Variants in PRKAR2A observed in about 807,000 individuals in gnomAD.
The protein encoded by PRKAR2A is protein kinase cAMP-dependent type II regulatory subunit alpha.
In PRKAR2A, 29 loss-of-function variants were observed where a neutral mutation model predicts 51.9. The observed-to-expected ratio is 0.56, with a 90% confidence interval of 0.42 to 0.76. The LOEUF is 0.76. Ranked by LOEUF, PRKAR2A falls within the 30% of genes least tolerant of loss-of-function variation. The pLI, the probability that PRKAR2A is intolerant of heterozygous loss-of-function variation, is 0.00. For synonymous variants in PRKAR2A, 178 were observed against 186.2 expected (o/e 0.96, Z 0.36); for missense variants, 445 against 512.1 (o/e 0.87, Z 1.26).
intron 6 of PRKAR2A, among the ~76,000 whole-genome samples, chr3:48,772,436 A>G (rs1254211432): frequency 1.3e-5 from 2 of 151,962 alleles, no homozygotes; most frequent in Non-Finnish European, 2.9e-5. Flanking sequence ...CGAACTCCTG[A>G]CCTCAAGTGA....
In PRKAR2A at chr3:48,757,594, G is replaced by T. The variant is rs535763969; in HGVS notation, c.874-1150C>A. 2.2e-4 allele frequency among the ~76,000 whole-genome samples: 33 copies of T among 152,310 alleles called. No individual in the cohort carries two copies. In the South Asian group the frequency reaches 6.2e-3, roughly 29 times the overall value. On this transcript the variant is annotated intron_variant, in intron 8 of 10. Coordinates refer to ENST00000265563, the MANE Select transcript of PRKAR2A (RefSeq NM_004157.4). ...AGAAATTAGGCTGGTAGCTAAAATAGAAACAAACTGAAGGAAGGAGTGTAC... is the reference window on the plus strand; with the variant it reads ...AGAAATTAGGCTGGTAGCTAAAATATAAACAAACTGAAGGAAGGAGTGTAC...
At chr3:48,834,937 C>A (rs897676284) in intron 1 of PRKAR2A, among the ~76,000 whole-genome samples, 1 of 151,036 alleles carries the variant, frequency 6.6e-6, no homozygotes, top group East Asian at 1.9e-4. Flanking sequence ...CACAAATTCC[C>A]AGCACTTTGA....
intron 2 of PRKAR2A, among the ~76,000 whole-genome samples, chr3:48,800,441 A>G (rs1207825306): frequency 6.7e-6 from 1 of 149,314 alleles, no homozygotes; most frequent in African/African-American, 2.5e-5. Context: ...TGAACCCAGG[A>G]GGTGGAGGTT....
intron 6 of PRKAR2A, among the ~76,000 whole-genome samples, chr3:48,767,162 T>C (rs746509311): frequency 1.7e-4 from 26 of 152,218 alleles, no homozygotes; most frequent in Non-Finnish European, 2.9e-4. Context: ...GTCAGGACTA[T>C]ACATATATAC....
intron 1 of PRKAR2A, among the ~76,000 whole-genome samples, chr3:48,820,502 A>G (rs2082943725): frequency 6.6e-6 from 1 of 152,168 alleles, no homozygotes; most frequent in South Asian, 2.1e-4. Context: ...CACTCGATTC[A>G]TATGATAAGT....
intron 4 of PRKAR2A, among the ~76,000 whole-genome samples, chr3:48,787,942 C>T (rs1430206409): frequency 6.6e-6 from 1 of 152,202 alleles, no homozygotes; most frequent in African/African-American, 2.4e-5. Flanking sequence ...TAATTCCAGC[C>T]TTCCTGTCTC....
intron 1 of PRKAR2A, among the ~76,000 whole-genome samples, chr3:48,827,824 AT>A (rs1432518815): frequency 6.6e-6 from 1 of 152,114 alleles, no homozygotes; most frequent in African/African-American, 2.4e-5. Context: ...TTCTTCAATT[AT>A]AACCTTAGCT....
chr3:48,799,524 A>C (rs2082550377), intron 2 of PRKAR2A, among the ~76,000 whole-genome samples: 1 of 152,256 alleles, frequency 6.6e-6, no homozygotes, highest in African/African-American at 2.4e-5. Context: ...ATACTTAGTA[A>C]TATTTCAGCT....
intron 4 of PRKAR2A, among the ~76,000 whole-genome samples, chr3:48,784,933 G>T (rs2082264202): frequency 1.3e-5 from 2 of 152,134 alleles, no homozygotes; most frequent in Admixed American, 1.3e-4. Flanking sequence ...AAGACTTATT[G>T]TATGTGATTC....
intron 6 of PRKAR2A, among the ~76,000 whole-genome samples, chr3:48,768,139 CA>C (rs1172606650): frequency 6.6e-6 from 1 of 151,034 alleles, no homozygotes; most frequent in Non-Finnish European, 1.5e-5. Flanking sequence ...ACAAAAAATA[CA>C]AAAATTAGCC....
At chr3:48,788,149 G>A (rs962785448) in intron 4 of PRKAR2A, among the ~76,000 whole-genome samples, 16 of 152,102 alleles carry the variant, frequency 1.1e-4, no homozygotes, top group Non-Finnish European at 2.1e-4. Context: ...TCCTGCCTCA[G>A]CCTCCCGAGT....
chr3:48,830,742 A>C (rs1427100400), intron 1 of PRKAR2A, among the ~76,000 whole-genome samples: 2 of 152,156 alleles, frequency 1.3e-5, no homozygotes, highest in Non-Finnish European at 2.9e-5. Flanking sequence ...AACTCACCAT[A>C]ATGTAGAATC....
Position 48,847,363 on chromosome 3 carries a change from G to C in PRKAR2A, c.234C>G (p.Ser78Arg), listed in dbSNP as rs779144009. 2 of 1,613,420 alleles carry C rather than the reference G, an allele frequency of 1.2e-6. No homozygotes were observed. The highest frequency in any genetic ancestry group is 1.7e-6 in the Non-Finnish European group (2 of 1,179,632). ...PDRVADAKGDSESEEDEDLEV... is the reference protein window; with the variant it reads ...PDRVADAKGDRESEEDEDLEV... ...CCAAGTCCTCGTCCTCCTCCGACTC[G>C]CTGTCCCCTTTGGCGTCGGCGACAC... Residue 78 changes from serine to arginine, a missense_variant, in exon 1 of 11, where the codon AGC (serine) becomes AGG (arginine). Transcript: ENST00000265563. This position sits in a 1 kb window ranked among gnomAD's most constrained non-coding sequence, Gnocchi z 4.4.
intron 8 of PRKAR2A, 90 bp downstream of exon 8, chr3:48,764,914 T>C: frequency 8.3e-7 from 1 of 1,197,938 alleles, no homozygotes; most frequent in South Asian, 1.3e-5. Context: ...CGTGAGCCAC[T>C]GCGTCCGGCA....
chr3:48,811,739 A>G (rs188885775), intron 1 of PRKAR2A, among the ~76,000 whole-genome samples: 20 of 152,308 alleles, frequency 1.3e-4, no homozygotes, highest in African/African-American at 3.8e-4. Context: ...CCGTGGGTGC[A>G]TAACATTGTG....
chr3:48,768,291 CAAAAGATAGATA>C (rs1463082092), intron 6 of PRKAR2A, among the ~76,000 whole-genome samples: 2 of 106,490 alleles, frequency 1.9e-5, no homozygotes, highest in East Asian at 3.1e-4. Context: ...GAGACCGTCT[CAAAAGATAGATA>C]GATAGATAGA....
intron 2 of PRKAR2A, among the ~76,000 whole-genome samples, chr3:48,796,347 G>A (rs1463569177): frequency 6.6e-6 from 1 of 152,160 alleles, no homozygotes; most frequent in Non-Finnish European, 1.5e-5. Context: ...TATTATCTTG[G>A]TTCCATTTGT....
intron 1 of PRKAR2A, among the ~76,000 whole-genome samples, chr3:48,820,324 G>A (rs888698827): frequency 6.6e-6 from 1 of 152,174 alleles, no homozygotes; most frequent in Non-Finnish European, 1.5e-5. Flanking sequence ...TGGGCCTACT[G>A]TAATATTCCT....
intron 4 of PRKAR2A, among the ~76,000 whole-genome samples, 173 bp downstream of exon 4, chr3:48,790,371 T>C (rs993096101): frequency 6.6e-5 from 10 of 152,198 alleles, no homozygotes; most frequent in African/African-American, 2.2e-4. Flanking sequence ...ATCTGAAAGA[T>C]CATGCCTGGG....
Sources: gnomAD v4.1 joint callset for allele counts (sites outside exome capture counted in the v4.1 genomes callset) on GRCh38, gnomAD v4.1.1 for gene constraint, Gnocchi (gnomAD v3.1) non-coding constraint, MANE v1.5 for transcripts, NCBI Gene and HGNC (gene_info 2026-07-23, HGNC 2026-07-21) for gene names.